Variants in ST6GALNAC3 observed in about 807,000 individuals in gnomAD.
ST6GALNAC3 encodes the protein ST6 N-acetylgalactosaminide alpha-2,6-sialyltransferase 3.
Under a neutral mutation model 32.7 loss-of-function variants are expected in ST6GALNAC3, and 25 were observed. The ratio of observed to expected loss-of-function variants is 0.76; its 90% CI spans 0.56 to 1.07. The LOEUF (loss-of-function observed/expected upper bound fraction) is 1.07. Among genes scored for constraint, ST6GALNAC3 ranks in the 50% least tolerant of loss-of-function variants. The pLI is 0.00. For missense variants in ST6GALNAC3, 355 were observed against 382.4 expected (o/e 0.93, Z 0.60); for synonymous variants, 129 against 133.1 (o/e 0.97, Z 0.21).
intron 3 of ST6GALNAC3, among the ~76,000 whole-genome samples, chr1:76,452,967 C>T (rs867976666): frequency 3.9e-5 from 6 of 151,990 alleles, no homozygotes; most frequent in Admixed American, 2.0e-4. Context: ...GCCTGTTATT[C>T]GTTCATTCAG....
chr1:76,590,662 G>T lies in ST6GALNAC3; in HGVS notation c.624-36790G>T, dbSNP rs146874373. Reference sequence around the variant, plus strand: ...TTAGGCATTCAATGTGAATAATAAAGCTGAACTCATTTATTTAAAGTTGTA... The same window carrying T: ...TTAGGCATTCAATGTGAATAATAAATCTGAACTCATTTATTTAAAGTTGTA... On this transcript the variant is annotated intron_variant, in intron 3 of 4. Transcript: ENST00000328299. 4.4e-3 allele frequency among the ~76,000 whole-genome samples: 667 copies of T among 152,224 alleles called. 4 individuals are homozygous for T. The highest frequency in any genetic ancestry group is 0.024 in the Middle Eastern group (7 of 294).
chr1:76,178,933 G>A (rs1260549648), intron 1 of ST6GALNAC3, among the ~76,000 whole-genome samples: 1 of 152,142 alleles, frequency 6.6e-6, no homozygotes, highest in Non-Finnish European at 1.5e-5. Context: ...ACCCCTTGTG[G>A]CTGTTCCATC....
intron 3 of ST6GALNAC3, among the ~76,000 whole-genome samples, chr1:76,442,805 AT>A (rs1656709273): frequency 6.6e-6 from 1 of 152,146 alleles, no homozygotes; most frequent in Admixed American, 6.6e-5. Flanking sequence ...CATAATATGT[AT>A]TTTGTAATGG....
Position 76,218,310 on chromosome 1 carries a change from G to T in ST6GALNAC3, c.19-95495G>T, listed in dbSNP as rs1184533906. 2.6e-5 allele frequency among the ~76,000 whole-genome samples: 4 copies of T among 152,222 alleles called. No individual in the cohort carries two copies. In the East Asian group the frequency reaches 5.8e-4, roughly 22 times the overall value. ...GGCCACCTTCAGGCAGAGCAGTCCT[G>T]CAGCCTTTCCAGAGGAGGCAGCCTC... On this transcript the variant is annotated intron_variant, in intron 1 of 4. Coordinates refer to ENST00000328299, the MANE Select transcript of ST6GALNAC3 (RefSeq NM_152996.4).
At chr1:76,609,135 T>G (rs935737962) in intron 3 of ST6GALNAC3, among the ~76,000 whole-genome samples, 7 of 152,178 alleles carry the variant, frequency 4.6e-5, no homozygotes, top group African/African-American at 1.7e-4. Context: ...TCTTCAGCCA[T>G]TTTCTCAAAC....
chr1:76,112,803 C>T (rs1401444565), intron 1 of ST6GALNAC3, among the ~76,000 whole-genome samples: 8 of 151,646 alleles, frequency 5.3e-5, no homozygotes, highest in African/African-American at 1.9e-4. Flanking sequence ...AGATGCTCCT[C>T]ACTTCCTAGA....
chr1:76,547,814 G>A (rs766174496), intron 3 of ST6GALNAC3, among the ~76,000 whole-genome samples: 9 of 147,354 alleles, frequency 6.1e-5, no homozygotes, highest in Non-Finnish European at 1.0e-4. Flanking sequence ...CCAGGATCGC[G>A]CCACTGCACT....
At chr1:76,155,193 A>G (rs1651319534) in intron 1 of ST6GALNAC3, among the ~76,000 whole-genome samples, 2 of 152,086 alleles carry the variant, frequency 1.3e-5, no homozygotes, top group South Asian at 4.1e-4. Context: ...CAGCACAGTG[A>G]CAGTTTATTT....
chr1:76,240,797 G>A (rs769844954), intron 1 of ST6GALNAC3, among the ~76,000 whole-genome samples: 5 of 152,056 alleles, frequency 3.3e-5, no homozygotes, highest in Non-Finnish European at 5.9e-5. Context: ...ATTTAATTTG[G>A]GGTCATTTTG....
chr1:76,600,711 A>G (rs1557614851), intron 3 of ST6GALNAC3, among the ~76,000 whole-genome samples: 2 of 152,250 alleles, frequency 1.3e-5, no homozygotes, highest in East Asian at 1.9e-4. Context: ...TATAAAATAA[A>G]TGCATCAAAG....
At chr1:76,402,489 A>G (rs1162921452) in intron 2 of ST6GALNAC3, among the ~76,000 whole-genome samples, 3 of 152,142 alleles carry the variant, frequency 2.0e-5, no homozygotes, top group Non-Finnish European at 4.4e-5. Flanking sequence ...AGCTTTCAGT[A>G]CACTACGCAC....
chr1:76,334,019 T>C (rs1453014938), intron 2 of ST6GALNAC3, among the ~76,000 whole-genome samples: 1 of 152,232 alleles, frequency 6.6e-6, no homozygotes, highest in Middle Eastern at 3.2e-3. Flanking sequence ...CCATTAAGCA[T>C]TACTGCCTCT....
chr1:76,627,422 T>G (rs1350904369), intron 3 of ST6GALNAC3, 30 bp from the exon 4 acceptor site: 1 of 1,421,548 alleles, frequency 7.0e-7, no homozygotes, highest in Admixed American at 1.7e-5. Flanking sequence ...TTTTGTTCTG[T>G]TTGTTATTGT....
chr1:76,164,294 T>A (rs1289812185), intron 1 of ST6GALNAC3, among the ~76,000 whole-genome samples: 1 of 152,040 alleles, frequency 6.6e-6, no homozygotes, highest in Non-Finnish European at 1.5e-5. Flanking sequence ...AGACTATACA[T>A]GTCACTCACA....
At chr1:76,078,348 T>A (rs1283835341) in intron 1 of ST6GALNAC3, among the ~76,000 whole-genome samples, 2 of 152,210 alleles carry the variant, frequency 1.3e-5, no homozygotes, top group Non-Finnish European at 2.9e-5. Context: ...TTTGGTCTTT[T>A]AGGGGATATG....
At chr1:76,455,656 A>T (rs569126620) in intron 3 of ST6GALNAC3, among the ~76,000 whole-genome samples, 4 of 152,028 alleles carry the variant, frequency 2.6e-5, no homozygotes, top group East Asian at 3.9e-4. Context: ...GAGGGAAAAA[A>T]TTTTTTGCCT....
chr1:76,598,416 G>T (rs1441384148), intron 3 of ST6GALNAC3, among the ~76,000 whole-genome samples: 1 of 152,152 alleles, frequency 6.6e-6, no homozygotes, highest in African/African-American at 2.4e-5. Flanking sequence ...GCTTTCAGAA[G>T]GTTGAGCTGC....
intron 3 of ST6GALNAC3, among the ~76,000 whole-genome samples, chr1:76,438,199 T>G (rs1284012386): frequency 6.6e-6 from 1 of 151,780 alleles, no homozygotes; most frequent in Admixed American, 6.5e-5. Context: ...TCACCCAGGC[T>G]GGAGTGCAGT....
At chr1:76,570,363 C>T (rs910765124) in intron 3 of ST6GALNAC3, among the ~76,000 whole-genome samples, 5 of 151,746 alleles carry the variant, frequency 3.3e-5, no homozygotes, top group Admixed American at 6.6e-5. Flanking sequence ...TTCTCTCCCT[C>T]TCCTCTTTCC....
Sources: allele counts gnomAD v4.1 joint callset (sites outside exome capture counted in the v4.1 genomes callset), GRCh38; gene constraint gnomAD v4.1.1; transcripts MANE v1.5; gene names NCBI Gene and HGNC (gene_info 2026-07-23, HGNC 2026-07-21).